Variants in GALNTL6 observed in about 807,000 individuals in gnomAD.
The protein encoded by GALNTL6 is polypeptide N-acetylgalactosaminyltransferase-like 6.
Under a neutral mutation model 73.7 loss-of-function variants are expected in GALNTL6, and 46 were observed. The ratio of observed to expected loss-of-function variants is 0.62; its 90% CI spans 0.49 to 0.80. The LOEUF is 0.80. Among genes scored for constraint, GALNTL6 ranks in the 30% least tolerant of loss-of-function variants. GALNTL6 has a pLI of 0.00. For synonymous variants in GALNTL6, 259 were observed against 263.7 expected, an observed-to-expected ratio of 0.98 and a Z score of 0.17; for missense variants, 604 against 755.0, an observed-to-expected ratio of 0.80 and a Z score of 2.34.
intron 2 of GALNTL6, among the ~76,000 whole-genome samples, chr4:171,858,785 C>T (rs1243634528): frequency 6.6e-6 from 1 of 151,946 alleles, no homozygotes; most frequent in Non-Finnish European, 1.5e-5. Flanking sequence ...TTGACTGAAG[C>T]TAACGTTTTC....
At chr4:172,018,149 A>G (rs1289372731) in intron 2 of GALNTL6, among the ~76,000 whole-genome samples, 2 of 152,100 alleles carry the variant, frequency 1.3e-5, no homozygotes, top group Non-Finnish European at 2.9e-5. Context: ...GTAGGCCTCC[A>G]TAAAGGAGGT....
intron 8 of GALNTL6, among the ~76,000 whole-genome samples, chr4:172,926,447 T>C (rs867671223): frequency 6.6e-6 from 1 of 152,228 alleles, no homozygotes; most frequent in African/African-American, 2.4e-5. Context: ...ATGCATTTAG[T>C]TCACTTCTGC....
intron 5 of GALNTL6, among the ~76,000 whole-genome samples, chr4:172,384,201 T>C (rs1205394207): frequency 1.3e-5 from 2 of 152,168 alleles, no homozygotes; most frequent in Non-Finnish European, 2.9e-5. Context: ...ATAGAGTTCA[T>C]CAGTGAAGCA....
At chr4:172,025,815 G>A (rs1316802205) in intron 2 of GALNTL6, among the ~76,000 whole-genome samples, 1 of 151,946 alleles carries the variant, frequency 6.6e-6, no homozygotes, top group Non-Finnish European at 1.5e-5. Flanking sequence ...ATGTTTGTGT[G>A]TGTGTGTGTT....
rs137944784 is a variant in GALNTL6, at chr4:171,821,951, G to T, written c.138+7233G>T. Among the ~76,000 whole-genome samples the T allele has an allele frequency of 6.0e-3, 910 of 152,002 alleles. 2 individuals carry two copies. The highest frequency in any genetic ancestry group is 9.5e-3 in the Non-Finnish European group (647 of 67,948). ...TTTATTACAAAAATTACTAAAATTAGTTCTTGATGTATTGTATTGAAAACT... is the reference window on the plus strand; with the variant it reads ...TTTATTACAAAAATTACTAAAATTATTTCTTGATGTATTGTATTGAAAACT... On this transcript the variant is annotated intron_variant, in intron 2 of 12. Coordinates refer to ENST00000506823, the MANE Select transcript of GALNTL6 (RefSeq NM_001034845.3).
At position 172,357,086 on chromosome 4, in the gene GALNTL6, T is replaced by G. The variant is rs74816662; in HGVS notation, c.553+8397T>G. Among the ~76,000 whole-genome samples, 945 of 152,228 alleles carry G rather than the reference T, an allele frequency of 6.2e-3. 7 individuals are homozygous for G. Among genetic ancestry groups the G allele is most frequent in the African/African-American group, 0.021 (855 of 41,538 alleles). On this transcript the variant is annotated intron_variant, in intron 5 of 12. Transcript: ENST00000506823. ...GAGGATTCATGAGAATCATAATGAC[T>G]TTAGCACACCAATTCCAGTCTCCAT...
chr4:171,894,328 C>T (rs1462175100), intron 2 of GALNTL6, among the ~76,000 whole-genome samples: 1 of 152,030 alleles, frequency 6.6e-6, no homozygotes, highest in Non-Finnish European at 1.5e-5. Flanking sequence ...GCTCACTCCC[C>T]AGGTGGGAAT....
chr4:172,053,958 C>T (rs1370766147), intron 2 of GALNTL6, among the ~76,000 whole-genome samples: 1 of 151,942 alleles, frequency 6.6e-6, no homozygotes, highest in Admixed American at 6.6e-5. Context: ...AATCAAAGCA[C>T]AATTGTATAT....
At chr4:172,101,680 C>A (rs969028127) in intron 2 of GALNTL6, among the ~76,000 whole-genome samples, 2 of 151,864 alleles carry the variant, frequency 1.3e-5, no homozygotes, top group East Asian at 3.9e-4. Flanking sequence ...ATTTAATATA[C>A]TCTTTGAATA....
intron 5 of GALNTL6, among the ~76,000 whole-genome samples, chr4:172,394,428 C>CTTTTTTT (rs201130774): frequency 1.2e-4 from 14 of 120,170 alleles, no homozygotes; most frequent in African/African-American, 2.3e-4. Flanking sequence ...TCTTCTTCTT[C>CTTTTTTT]TTTTTTTTTT....
At chr4:171,981,152 A>G (rs1368986947) in intron 2 of GALNTL6, among the ~76,000 whole-genome samples, 1 of 152,244 alleles carries the variant, frequency 6.6e-6, no homozygotes, top group Admixed American at 6.5e-5. Context: ...TTTATGTTTT[A>G]GGAAGACATG....
At chr4:171,957,750 A>T (rs1452200817) in intron 2 of GALNTL6, among the ~76,000 whole-genome samples, 1 of 152,230 alleles carries the variant, frequency 6.6e-6, no homozygotes, top group Non-Finnish European at 1.5e-5. Flanking sequence ...ACAGGTAAAG[A>T]GCAGGTGTAC....
intron 2 of GALNTL6, among the ~76,000 whole-genome samples, chr4:171,853,603 T>G (rs1239109328): frequency 1.2e-5 from 1 of 83,570 alleles, no homozygotes; most frequent in Non-Finnish European, 2.3e-5. Context: ...GCCACTCTTT[T>G]TTTTTTTTTT....
intron 5 of GALNTL6, among the ~76,000 whole-genome samples, chr4:172,582,189 C>T (rs1305697020): frequency 6.6e-6 from 1 of 152,152 alleles, no homozygotes; most frequent in Non-Finnish European, 1.5e-5. Context: ...AGGGGCTTGA[C>T]CGTGGGGGAG....
intron 2 of GALNTL6, among the ~76,000 whole-genome samples, chr4:172,173,775 A>G (rs1363229106): frequency 1.3e-5 from 2 of 152,176 alleles, no homozygotes; most frequent in African/African-American, 4.8e-5. Flanking sequence ...TTTTTCAGGG[A>G]TGATAGGGAA....
chr4:172,754,409 A>G (rs1244910621), intron 5 of GALNTL6, among the ~76,000 whole-genome samples: 1 of 152,178 alleles, frequency 6.6e-6, no homozygotes, highest in Non-Finnish European at 1.5e-5. Context: ...CGTCTCTACT[A>G]AAAATGCAAA....
chr4:171,928,709 G>C (rs1299661873), intron 2 of GALNTL6, among the ~76,000 whole-genome samples: 1 of 152,168 alleles, frequency 6.6e-6, no homozygotes, highest in Non-Finnish European at 1.5e-5. Flanking sequence ...TCTATGTTTA[G>C]ATAGGTTTAG....
chr4:172,224,791 T>C (rs1018740557), intron 2 of GALNTL6, among the ~76,000 whole-genome samples: 1 of 152,128 alleles, frequency 6.6e-6, no homozygotes, highest in Non-Finnish European at 1.5e-5. Flanking sequence ...CCAAAAGTGT[T>C]TTAATTTTTT....
At chr4:172,279,392 T>C (rs1738948812) in intron 3 of GALNTL6, among the ~76,000 whole-genome samples, 1 of 151,474 alleles carries the variant, frequency 6.6e-6, no homozygotes, top group Non-Finnish European at 1.5e-5. Context: ...TAGTTAAAAA[T>C]GAATAAATGA....
Sources: allele counts gnomAD v4.1 joint callset (sites outside exome capture counted in the v4.1 genomes callset), GRCh38; gene constraint gnomAD v4.1.1; transcripts MANE v1.5; gene names NCBI Gene and HGNC (gene_info 2026-07-23, HGNC 2026-07-21).